TBC1D1: variants seen among roughly 807,000 people sequenced by gnomAD.
TBC1D1 encodes TBC1 (tre-2/USP6, BUB2, cdc16) domain family, member 1.
In TBC1D1, 89 loss-of-function variants were observed where a neutral mutation model predicts 125.6. The ratio of observed to expected loss-of-function variants is 0.71; its 90% confidence interval spans 0.60 to 0.85. The LOEUF (loss-of-function observed/expected upper bound fraction) is 0.85. TBC1D1 is among the 40% of genes least tolerant of loss of function. The probability of loss-of-function intolerance (pLI) is 0.00; values close to 1 mark genes in which losing one functional copy is unlikely to be tolerated. For missense variants in TBC1D1, 1,377 were observed against 1,469.2 expected (o/e 0.94, Z 1.03); for synonymous variants, 565 against 564.1 (o/e 1.00, Z -0.02).
intron 2 of TBC1D1, chr4:37,952,525 GGAAGA>G (rs1560522874): frequency 1.2e-5 from 2 of 163,738 alleles, no homozygotes; most frequent in African/African-American, 2.4e-5. Flanking sequence ...AACTAACAAA[GGAAGA>G]GAAAACCAAA....
intron 2 of TBC1D1, 40 bp downstream of exon 2, chr4:37,902,552 G>A: frequency 4.0e-6 from 6 of 1,515,408 alleles, no homozygotes; most frequent in Non-Finnish European, 5.3e-6. Context: ...GGTGTGGCTG[G>A]CTGGTTTTTA....
At chr4:38,039,660 G>T (rs1747967657) in intron 8 of TBC1D1, among the ~76,000 whole-genome samples, 1 of 152,200 alleles carries the variant, frequency 6.6e-6, no homozygotes, top group African/African-American at 2.4e-5. Flanking sequence ...GCCAGCCTGG[G>T]ATGGTGAGTT....
chr4:37,956,413 G>T (rs1728944477), intron 2 of TBC1D1, among the ~76,000 whole-genome samples: 1 of 152,178 alleles, frequency 6.6e-6, no homozygotes, highest in Non-Finnish European at 1.5e-5. Context: ...GAGGGCAGGG[G>T]TTTTGGTTTG....
At chr4:38,093,020 C>T (rs1249561901) in intron 13 of TBC1D1, among the ~76,000 whole-genome samples, 3 of 152,048 alleles carry the variant, frequency 2.0e-5, no homozygotes, top group Non-Finnish European at 2.9e-5. Context: ...AGATAATGGC[C>T]CCGGGCTAAG....
chr4:38,044,036 G>A (rs915628568), intron 8 of TBC1D1, among the ~76,000 whole-genome samples: 1 of 152,228 alleles, frequency 6.6e-6, no homozygotes, highest in African/African-American at 2.4e-5. Flanking sequence ...GGAAGTTTGA[G>A]GCTCAGAAAA....
chr4:38,120,074 A>C, intron 17 of TBC1D1: 1 of 985,422 alleles, frequency 1.0e-6, no homozygotes, highest in Non-Finnish European at 1.2e-6. Context: ...AGCTCACTCT[A>C]ATGACTTCAT....
rs978209501 is a variant in TBC1D1 at position 37,935,651 on chromosome 4, C to T, written c.417+33139C>T. On this transcript the variant is annotated intron_variant, in intron 2 of 19. Transcript: ENST00000261439. ...CAATTCACTCCACCAGCGTCCAGAGCGATCTTTCTAATTTGCAGATCTGAC... is the reference window on the plus strand; with the variant it reads ...CAATTCACTCCACCAGCGTCCAGAGTGATCTTTCTAATTTGCAGATCTGAC... Among the ~76,000 whole-genome samples, 24 of 152,170 alleles carry T rather than the reference C, an allele frequency of 1.6e-4. 1 individual carries two copies. The highest frequency in any genetic ancestry group is 6.5e-4 in the Admixed American group (10 of 15,272).
intron 11 of TBC1D1, 102 bp downstream of exon 11, chr4:38,050,000 A>C: frequency 7.5e-7 from 1 of 1,326,580 alleles, no homozygotes; most frequent in Non-Finnish European, 1.0e-6. Context: ...GAAATGAGTC[A>C]GGCTTTACTC....
intron 15 of TBC1D1, among the ~76,000 whole-genome samples, chr4:38,106,522 A>G (rs543967000): frequency 1.0e-3 from 158 of 152,322 alleles, no homozygotes; most frequent in African/African-American, 3.6e-3. Context: ...AGGAAATGCC[A>G]TCATGTTCCT....
chr4:38,095,717 G>C (rs1341543610), intron 13 of TBC1D1, among the ~76,000 whole-genome samples: 1 of 152,146 alleles, frequency 6.6e-6, no homozygotes, highest in Non-Finnish European at 1.5e-5. Context: ...GGGGGTGAAG[G>C]GGTAAGAGAA....
intron 18 of TBC1D1, 167 bp from the exon 21 acceptor site, chr4:38,132,917 C>A: frequency 1.1e-5 from 4 of 362,752 alleles, no homozygotes; most frequent in Non-Finnish European, 1.5e-5. Context: ...AAAATTATTA[C>A]CTTCTCAGTG....
chr4:38,118,355 T>C (rs1045750217), intron 17 of TBC1D1, 163 bp downstream of exon 19: 8 of 759,968 alleles, frequency 1.1e-5, no homozygotes, highest in African/African-American at 7.1e-5. Context: ...TTTGTGACTT[T>C]GGAGTCCTCC....
At chr4:37,932,743 A>C (rs1191084787) in intron 2 of TBC1D1, among the ~76,000 whole-genome samples, 2 of 152,128 alleles carry the variant, frequency 1.3e-5, no homozygotes, top group Non-Finnish European at 2.9e-5. Context: ...TTCCACATAA[A>C]ATATAATTTT....
chr4:38,108,086 A>G (rs1211876183), intron 15 of TBC1D1, among the ~76,000 whole-genome samples: 2 of 152,010 alleles, frequency 1.3e-5, no homozygotes, highest in Non-Finnish European at 2.9e-5. Context: ...CCCTCAGACA[A>G]TTGCCACTGT....
Position 37,977,606 on chromosome 4 carries a change from C to A in TBC1D1, c.418-36903C>A. ...GGCTGGAACATTTGTAACCTTCGGG[C>A]CGGGGCTGGGCCGGGCCGCTGGAGG... On this transcript the variant is annotated intron_variant, in intron 2 of 19. Coordinates refer to ENST00000261439, the MANE Select transcript of TBC1D1 (RefSeq NM_015173.4). This position sits in a 1 kb window ranked among gnomAD's most constrained non-coding sequence, Gnocchi z 4.3. The A allele has an allele frequency of 2.3e-6, 1 of 436,686 alleles. No individual in the cohort carries two copies. The highest frequency in any genetic ancestry group is 3.1e-6 in the Non-Finnish European group (1 of 321,142). The allele number at this position is 436,686 out of a possible 1,614,324, so 27.1% of individuals were successfully genotyped here. A position where few individuals can be genotyped will look rare whatever the true frequency, so the allele number is the denominator to read the frequency against.
intron 17 of TBC1D1, among the ~76,000 whole-genome samples, chr4:38,120,942 G>C (rs1411341349): frequency 6.6e-6 from 1 of 152,206 alleles, no homozygotes; most frequent in African/African-American, 2.4e-5. Flanking sequence ...ATAGATGAGG[G>C]AGGAGGAGGA....
At chr4:38,048,336 G>A (rs1749867148) in intron 10 of TBC1D1, among the ~76,000 whole-genome samples, 1 of 152,102 alleles carries the variant, frequency 6.6e-6, no homozygotes, top group South Asian at 2.1e-4. Flanking sequence ...TAGATCAACA[G>A]GTTTGCATGA....
In TBC1D1 at chr4:38,078,635, G is replaced by GA. The variant is rs1221641793; in HGVS notation, c.2051-11296dup. Among the ~76,000 whole-genome samples the GA allele has an allele frequency of 2.6e-5, 4 of 152,308 alleles. No homozygotes were observed. In the East Asian group the frequency reaches 7.7e-4, roughly 29 times the overall value. On this transcript the variant is annotated intron_variant, in intron 12 of 19. Transcript: ENST00000261439. Reference sequence around the variant, plus strand: ...GCTTCCTCTCTCTTCACCCTGTGAGGATACAGCAAGAAGGAAGCTCTCTGC... The same window carrying GA: ...GCTTCCTCTCTCTTCACCCTGTGAGGAATACAGCAAGAAGGAAGCTCTCTGC...
intron 2 of TBC1D1, among the ~76,000 whole-genome samples, chr4:37,954,909 C>T (rs1373002864): frequency 5.0e-5 from 3 of 60,368 alleles, no homozygotes; most frequent in East Asian, 9.6e-4. Flanking sequence ...TTTTTTGAGA[C>T]GGAGTCTCTC....
Sources: gnomAD v4.1 joint callset for allele counts (sites outside exome capture counted in the v4.1 genomes callset) on GRCh38, gnomAD v4.1.1 for gene constraint, Gnocchi (gnomAD v3.1) non-coding constraint, MANE v1.5 for transcripts, NCBI Gene and HGNC (gene_info 2026-07-23, HGNC 2026-07-21) for gene names.